Variants in SHROOM2 observed in about 807,000 individuals in gnomAD.
SHROOM2 encodes shroom family member 2.
In SHROOM2, 33 loss-of-function variants were observed where a neutral mutation model predicts 75.9. That is an observed-to-expected ratio of 0.43 (90% confidence interval 0.33 to 0.58). The LOEUF (loss-of-function observed/expected upper bound fraction) is 0.58, where lower values mean the gene tolerates loss of function less well. SHROOM2 is among the 20% of genes least tolerant of loss of function. The pLI is 0.04. For synonymous variants in SHROOM2, 655 were observed against 663.6 expected (o/e 0.99, Z 0.20); for missense variants, 1,434 against 1,461.2 (o/e 0.98, Z 0.30).
In SHROOM2 at chrX:9,946,990, T is replaced by C. The variant is rs1320939895; in HGVS notation, c.*53T>C. On this transcript the variant is annotated 3_prime_UTR_variant, in exon 10 of 10. Transcript: ENST00000380913. The stretch of plus-strand genomic sequence containing the variant: ...ACGGGGCCTCCGAGCTCCAGCTCCG[T>C]TCCCAAGGATACTCGTGAAGACCCC... The C allele has an allele frequency of 4.1e-5, 45 of 1,098,183 alleles. No individual in the cohort carries two copies. The highest frequency in any genetic ancestry group is 5.2e-5 in the Non-Finnish European group (43 of 824,131). 90.5% of individuals were successfully genotyped at this position (1,098,183 alleles called of 1,213,427 possible).
At chrX:9,833,601 G>A (rs757660770) in intron 1 of SHROOM2, among the ~76,000 whole-genome samples, 49 of 73,852 alleles carry the variant, frequency 6.6e-4, no homozygotes, top group Non-Finnish European at 9.9e-4. Flanking sequence ...AGACACACAA[G>A]TAGACTCTGT....
chrX:9,824,641 G>A (rs962710837), intron 1 of SHROOM2, among the ~76,000 whole-genome samples: 3 of 111,368 alleles, frequency 2.7e-5, no homozygotes, highest in African/African-American at 9.8e-5. Context: ...GGTTTCCGGA[G>A]CTCCCTGGGA....
chrX:9,914,470 T>C (rs1208213900), intron 5 of SHROOM2, among the ~76,000 whole-genome samples: 2 of 110,528 alleles, frequency 1.8e-5, no homozygotes, highest in South Asian at 7.7e-4. Context: ...AGGGGAGCAG[T>C]GGGAAGAAGC....
At chrX:9,937,923 C>T (rs2084731437) in intron 7 of SHROOM2, among the ~76,000 whole-genome samples, 1 of 112,081 alleles carries the variant, frequency 8.9e-6, no homozygotes, top group African/African-American at 3.2e-5. Context: ...ACCAAGCTGC[C>T]TTGGCCTGAG....
intron 1 of SHROOM2, among the ~76,000 whole-genome samples, chrX:9,823,628 C>T (rs2083871790): frequency 9.0e-6 from 1 of 111,704 alleles, no homozygotes; most frequent in Non-Finnish European, 1.9e-5. Context: ...GTAGTAGTTA[C>T]TTCTCCCAGG....
chrX:9,837,324 A>G (rs1003510537), intron 1 of SHROOM2, among the ~76,000 whole-genome samples: 5 of 112,743 alleles, frequency 4.4e-5, no homozygotes, highest in African/African-American at 1.3e-4. Flanking sequence ...TAATAAGCCA[A>G]ATATTTTAAA....
At chrX:9,889,677 C>T (rs887699648) in intron 2 of SHROOM2, among the ~76,000 whole-genome samples, 6 of 112,127 alleles carry the variant, frequency 5.4e-5, no homozygotes, top group Non-Finnish European at 9.4e-5. Context: ...CAGGAAAGCT[C>T]GTCCATATTC....
chrX:9,788,976 G>A (rs1357691489), intron 1 of SHROOM2, among the ~76,000 whole-genome samples: 2 of 111,471 alleles, frequency 1.8e-5, no homozygotes, highest in Non-Finnish European at 3.8e-5. Context: ...GCTCTTAAAG[G>A]ATTCTTGCTC....
At chrX:9,857,027 A>G (rs1286184142) in intron 1 of SHROOM2, among the ~76,000 whole-genome samples, 1 of 112,199 alleles carries the variant, frequency 8.9e-6, no homozygotes, top group African/African-American at 3.2e-5. Context: ...GGGAGAGAGG[A>G]GGACGTCAGT....
intron 1 of SHROOM2, among the ~76,000 whole-genome samples, chrX:9,798,746 C>T (rs1001326812): frequency 3.6e-5 from 4 of 112,045 alleles, no homozygotes; most frequent in East Asian, 5.6e-4. Flanking sequence ...TTCTGGAAAA[C>T]GGAGTGTACT....
rs140164517 is a variant in SHROOM2 at position 9,929,262 on chromosome X, G to C, written c.2892-2913G>C. Among the ~76,000 whole-genome samples, 902 of 108,274 alleles carry C rather than the reference G, an allele frequency of 8.3e-3. 9 individuals carry two copies. Among genetic ancestry groups the C allele is most frequent in the African/African-American group, 0.029 (851 of 29,554 alleles). 94.0% of individuals were successfully genotyped at this position (108,274 alleles called of 115,157 possible). A position where few individuals can be genotyped will look rare whatever the true frequency, so the allele number is the denominator to read the frequency against. On this transcript the variant is annotated intron_variant, in intron 5 of 9. Transcript: ENST00000380913. ...ATAAAAACCAATTAGTGATTTTATAGTTTGACTTTGCAAGGTGGGGGTGGG... is the reference window on the plus strand; with the variant it reads ...ATAAAAACCAATTAGTGATTTTATACTTTGACTTTGCAAGGTGGGGGTGGG...
intron 1 of SHROOM2, among the ~76,000 whole-genome samples, chrX:9,853,956 C>A (rs1442088162): frequency 8.9e-6 from 1 of 111,739 alleles, no homozygotes; most frequent in Non-Finnish European, 1.9e-5. Flanking sequence ...AAATTCCATG[C>A]CTTATGGAGA....
chrX:9,932,576 C>T lies in SHROOM2; in HGVS notation c.3293C>T (p.Ser1098Phe). ...GVLGRPFPTP[S>F]PASLDVYVAR... ...CTCGGCAGGCCCTTCCCAACGCCAT[C>T]CCCTGCGTCCCTGGATGTGTATGTG... The change falls in exon 6 of 10, where the codon TCC (serine) becomes TTC (phenylalanine). Residue 1098 changes from serine (S) to phenylalanine (F), a missense_variant. Physicochemically the swap from Ser to Phe is radical, Grantham distance 155. Coordinates refer to ENST00000380913, the MANE Select transcript of SHROOM2 (RefSeq NM_001649.4). 8.3e-7 allele frequency: 1 copy of T among 1,211,825 alleles called. No individual in the cohort carries two copies. Among genetic ancestry groups the T allele is most frequent in the Non-Finnish European group, 1.1e-6 (1 of 895,489 alleles).
chrX:9,939,886 AAGCAATTCTCCTACCTC>A lies in SHROOM2; in HGVS notation c.4311+524_4311+540del, dbSNP rs200589398. On this transcript the variant is annotated intron_variant, in intron 8 of 9. Transcript: ENST00000380913. ...ACTGCAACCTCTGCCTCCCGGGTTC[AAGCAATTCTCCTACCTC>A]AGCCCCTCGAGTAGCTGGGATTACA... 9.9e-3 allele frequency among the ~76,000 whole-genome samples: 1,104 copies of A among 112,020 alleles called. 30 individuals are homozygous for A. Among genetic ancestry groups the A allele is most frequent in the East Asian group, 0.088 (312 of 3,535 alleles).
chrX:9,933,537 A>T (rs1028238222), intron 6 of SHROOM2, among the ~76,000 whole-genome samples: 10 of 111,906 alleles, frequency 8.9e-5, no homozygotes, highest in Non-Finnish European at 1.9e-5. Flanking sequence ...TCGAGAGTTC[A>T]AGGCAGGTGG....
At chrX:9,900,470 CAT>C (rs1044833962) in intron 5 of SHROOM2, among the ~76,000 whole-genome samples, 1 of 112,319 alleles carries the variant, frequency 8.9e-6, no homozygotes, top group Admixed American at 9.5e-5. Context: ...CTGTGTAAAT[CAT>C]ATGAAGTGCT....
At chrX:9,932,129 G>A (rs2084653550) in intron 5 of SHROOM2, 46 bp from the exon 6 acceptor site, 12 of 1,051,697 alleles carry the variant, frequency 1.1e-5, no homozygotes, top group African/African-American at 5.8e-5. Flanking sequence ...GTGGTGGGAA[G>A]GTATTATTGG....
intron 5 of SHROOM2, among the ~76,000 whole-genome samples, chrX:9,917,107 G>A (rs961083892): frequency 9.0e-6 from 1 of 111,585 alleles, no homozygotes; most frequent in Non-Finnish European, 1.9e-5. Context: ...TAGAAAAATT[G>A]TCTCTGTGGA....
intron 1 of SHROOM2, among the ~76,000 whole-genome samples, chrX:9,802,661 C>G (rs750128287): frequency 9.0e-6 from 1 of 111,611 alleles, no homozygotes; most frequent in Non-Finnish European, 1.9e-5. Flanking sequence ...GCTGGTATCG[C>G]GGGCATATTG....
Sources: allele counts gnomAD v4.1 joint callset (sites outside exome capture counted in the v4.1 genomes callset), GRCh38; gene constraint gnomAD v4.1.1; transcripts MANE v1.5; gene names NCBI Gene and HGNC (gene_info 2026-07-23, HGNC 2026-07-21).